RABGAP1L: variants seen among roughly 807,000 people sequenced by gnomAD.
The protein encoded by RABGAP1L is rab GTPase-activating protein 1-like.
Under a neutral mutation model 137.7 loss-of-function variants are expected in RABGAP1L, and 63 were observed. That is an observed-to-expected ratio of 0.46 (90% CI 0.37 to 0.56). The LOEUF is 0.56. RABGAP1L is among the 20% of genes least tolerant of loss of function. RABGAP1L has a pLI of 0.00. For missense variants in RABGAP1L, 1,095 were observed against 1,244.0 expected (o/e 0.88, Z 1.80); for synonymous variants, 431 against 433.7 (o/e 0.99, Z 0.08).
chr1:174,356,140 G>A (rs1683621499), intron 11 of RABGAP1L, among the ~76,000 whole-genome samples: 1 of 152,060 alleles, frequency 6.6e-6, no homozygotes, highest in Admixed American at 6.5e-5. Flanking sequence ...TATTATTCTA[G>A]TTAGACAAGT....
intron 13 of RABGAP1L, among the ~76,000 whole-genome samples, chr1:174,447,513 A>G (rs1047455490): frequency 2.0e-5 from 3 of 152,162 alleles, no homozygotes; most frequent in African/African-American, 7.2e-5. Context: ...CTTTGCCACA[A>G]TGAACTTTTT....
chr1:174,757,018 C>A lies in RABGAP1L; in HGVS notation c.2211+4664C>A. The A allele has an allele frequency of 1.6e-5, 11 of 683,302 alleles. 2 individuals carry two copies. The highest frequency in any genetic ancestry group is 1.5e-4 in the South Asian group (11 of 73,758). The allele number at this position is 683,302 out of a possible 1,614,324, so 42.3% of individuals were successfully genotyped here. On this transcript the variant is annotated intron_variant, in intron 18 of 25. Coordinates refer to ENST00000681986, the MANE Select transcript of RABGAP1L (RefSeq NM_001366446.1). ...AGGCCTTGTCAAAGCACCCTTCCTC[C>A]AGCTTCTTGTCCATAACTTCACCAA...
chr1:174,492,140 A>G (rs1235791153), intron 13 of RABGAP1L, among the ~76,000 whole-genome samples: 1 of 145,244 alleles, frequency 6.9e-6, no homozygotes, highest in African/African-American at 2.5e-5. Flanking sequence ...GTAGCTTTCT[A>G]TTCCGCCATC....
chr1:174,628,202 G>T (rs1673063959), intron 13 of RABGAP1L, among the ~76,000 whole-genome samples: 1 of 151,838 alleles, frequency 6.6e-6, no homozygotes, highest in Non-Finnish European at 1.5e-5. Context: ...TGGATTCATA[G>T]AAAAAAGGGT....
intron 19 of RABGAP1L, among the ~76,000 whole-genome samples, chr1:174,919,269 T>C (rs1443131961): frequency 1.3e-5 from 2 of 152,050 alleles, no homozygotes; most frequent in African/African-American, 4.8e-5. Context: ...CCGCCCGCCT[T>C]GACCTCCCAA....
At chr1:174,632,909 C>T (rs1673552327) in intron 13 of RABGAP1L, among the ~76,000 whole-genome samples, 1 of 151,976 alleles carries the variant, frequency 6.6e-6, no homozygotes, top group African/African-American at 2.4e-5. Flanking sequence ...AATCATTCTC[C>T]ATCCGGCTTT....
rs1023524115 is a variant in RABGAP1L, at chr1:174,994,992, C to T, written c.*4991C>T. The T allele has an allele frequency of 1.3e-5, 2 of 152,238 alleles. No individual in the cohort carries two copies. Among genetic ancestry groups the T allele is most frequent in the Admixed American group, 6.5e-5 (1 of 15,288 alleles). The allele number at this position is 152,238 out of a possible 1,614,324, so 9.4% of individuals were successfully genotyped here. On this transcript the variant is annotated 3_prime_UTR_variant, in exon 26 of 26. Transcript: ENST00000681986. ...AAACGTTAGTGATCAGCCTCTTCCT[C>T]TATAAACAATGACCAATTAGACGTT...
rs540267499 is a variant in RABGAP1L at position 174,781,287 on chromosome 1, T to C, written c.2211+28933T>C. Among the ~76,000 whole-genome samples, 567 of 152,342 alleles carry C rather than the reference T, an allele frequency of 3.7e-3. 3 individuals carry two copies. The highest frequency in any genetic ancestry group is 0.013 in the African/African-American group (542 of 41,580). On this transcript the variant is annotated intron_variant, in intron 18 of 25. Coordinates refer to ENST00000681986, the MANE Select transcript of RABGAP1L (RefSeq NM_001366446.1). ...CTAACTGGTGTGAGATGATATCTCA[T>C]TGTGGTTTTGATTTGTATTTCTCTG...
chr1:174,192,916 T>G (rs1667313125), intron 1 of RABGAP1L, among the ~76,000 whole-genome samples: 1 of 152,218 alleles, frequency 6.6e-6, no homozygotes, highest in African/African-American at 2.4e-5. Context: ...CACCACAAAG[T>G]GAGATTGATT....
In RABGAP1L at chr1:174,677,288, C is replaced by T. The variant is rs564890280; in HGVS notation, c.1825-6234C>T. ...AGTGAGCCGACAGAGGGAGACCTGT[C>T]TCAAAACAAACAAACAAGAATCAGG... On this transcript the variant is annotated intron_variant, in intron 14 of 25. Coordinates refer to ENST00000681986, the MANE Select transcript of RABGAP1L (RefSeq NM_001366446.1). 8.1e-4 allele frequency among the ~76,000 whole-genome samples: 124 copies of T among 152,228 alleles called. 1 individual carries two copies. Among genetic ancestry groups the T allele is most frequent in the Non-Finnish European group, 1.2e-3 (83 of 68,012 alleles).
At chr1:174,213,837 A>G (rs1401717317) in intron 1 of RABGAP1L, among the ~76,000 whole-genome samples, 1 of 152,244 alleles carries the variant, frequency 6.6e-6, no homozygotes, top group East Asian at 1.9e-4. Context: ...GAAGAAATAT[A>G]CTTCAACATA....
At chr1:174,750,680 AC>A in intron 17 of RABGAP1L, among the ~76,000 whole-genome samples, 1 of 152,178 alleles carries the variant, frequency 6.6e-6, no homozygotes, top group Non-Finnish European at 1.5e-5. Flanking sequence ...AGGATAAAGG[AC>A]CAGAGCATTA....
intron 19 of RABGAP1L, among the ~76,000 whole-genome samples, chr1:174,890,952 C>T (rs1172939800): frequency 5.9e-5 from 9 of 152,166 alleles, no homozygotes. Context: ...TCTTATATAA[C>T]ATTTCACAAA....
intron 12 of RABGAP1L, among the ~76,000 whole-genome samples, chr1:174,383,651 C>T (rs555319450): frequency 0.011 from 1,625 of 152,238 alleles, 22 homozygotes; most frequent in African/African-American, 0.037. Flanking sequence ...CTTCGGCTCG[C>T]GCACGGTGCG....
intron 13 of RABGAP1L, among the ~76,000 whole-genome samples, chr1:174,477,274 G>A (rs1361122890): frequency 2.0e-5 from 3 of 152,170 alleles, no homozygotes; most frequent in Non-Finnish European, 4.4e-5. Context: ...AGCATTGCAA[G>A]CTAAAATTAT....
intron 13 of RABGAP1L, chr1:174,548,190 T>C: frequency 6.9e-7 from 1 of 1,444,660 alleles, no homozygotes; most frequent in Non-Finnish European, 9.1e-7. Flanking sequence ...GCATAATCTC[T>C]CAGGGTGAAG....
At chr1:174,877,330 CT>C (rs1028865791) in intron 19 of RABGAP1L, 63 of 1,350,570 alleles carry the variant, frequency 4.7e-5, no homozygotes, top group East Asian at 5.1e-5. Flanking sequence ...ATAGCAGCCG[CT>C]TTTTTTTTCT....
intron 19 of RABGAP1L, among the ~76,000 whole-genome samples, chr1:174,870,184 T>C (rs911522821): frequency 1.3e-5 from 2 of 152,224 alleles, no homozygotes; most frequent in African/African-American, 4.8e-5. Context: ...CAAATTACCA[T>C]AGGCTAATTT....
chr1:174,980,405 T>A (rs375624481), intron 23 of RABGAP1L, among the ~76,000 whole-genome samples: 45 of 152,356 alleles, frequency 3.0e-4, no homozygotes, highest in African/African-American at 1.0e-3. Context: ...TATCATATAA[T>A]GTGGAGGTAA....
Sources: gnomAD v4.1 joint callset for allele counts (sites outside exome capture counted in the v4.1 genomes callset) on GRCh38, gnomAD v4.1.1 for gene constraint, MANE v1.5 for transcripts, NCBI Gene and HGNC (gene_info 2026-07-23, HGNC 2026-07-21) for gene names.